Variants in ZSWIM4 observed in about 807,000 individuals in gnomAD.
ZSWIM4 encodes zinc finger SWIM-type containing 4.
Under a neutral mutation model 102.5 loss-of-function variants are expected in ZSWIM4, and 62 were observed. That is an observed-to-expected ratio of 0.60 (90% CI 0.49 to 0.75). The LOEUF (loss-of-function observed/expected upper bound fraction) is 0.75. ZSWIM4 is among the 30% of genes least tolerant of loss of function. The probability of loss-of-function intolerance (pLI) is 0.00; values close to 1 mark genes in which losing one functional copy is unlikely to be tolerated. For synonymous variants in ZSWIM4, 652 were observed against 674.5 expected (o/e 0.97, Z 0.52); for missense variants, 1,280 against 1,529.6 (o/e 0.84, Z 2.72).
At position 13,814,842 on chromosome 19, in the gene ZSWIM4, A is replaced by G. The variant is rs1164014320; in HGVS notation, c.1508A>G (p.Glu503Gly). 6 of 1,260,800 alleles carry G rather than the reference A, an allele frequency of 4.8e-6. No individual in the cohort carries two copies. The East Asian group carries it at 2.4e-4, about 50-fold the overall frequency. The allele number at this position is 1,260,800 out of a possible 1,614,324, so 78.1% of individuals were successfully genotyped here. A position where few individuals can be genotyped will look rare whatever the true frequency, so the allele number is the denominator to read the frequency against. The change falls in exon 7 of 14, where the codon GAG becomes GGG. Residue 503 changes from glutamate (E) to glycine (G), a missense_variant. By Grantham distance (98) the Glu-to-Gly change is moderately conservative (BLOSUM62 -2). Transcript: ENST00000590508. ...TLRLQQRHQLESYKQQKKELL... is the reference protein window; with the variant it reads ...TLRLQQRHQLGSYKQQKKELL... ...CGGCTGCAGCAGCGGCATCAGCTAG[A>G]GAGCTACAAGCAGCAGAAAAAAGGT...
intron 3 of ZSWIM4, among the ~76,000 whole-genome samples, chr19:13,805,584 G>A (rs531363382): frequency 4.9e-4 from 74 of 152,026 alleles, no homozygotes; most frequent in African/African-American, 1.5e-3. Flanking sequence ...GGGGGGCTCC[G>A]AGGGGCTTGG....
intron 5 of ZSWIM4, among the ~76,000 whole-genome samples, chr19:13,812,513 G>A (rs922328017): frequency 1.6e-4 from 24 of 148,264 alleles, no homozygotes; most frequent in Admixed American, 4.0e-4. Flanking sequence ...AGGCTGGAGT[G>A]CAGTGGTGTG....
Position 13,813,150 on chromosome 19 carries a change from T to C in ZSWIM4, c.1166T>C (p.Met389Thr). 1 of 1,612,644 alleles carries C rather than the reference T, an allele frequency of 6.2e-7. No individual in the cohort carries two copies. Among genetic ancestry groups the C allele is most frequent in the Non-Finnish European group, 8.5e-7 (1 of 1,179,022 alleles). Residue 389 changes from methionine to threonine, a missense_variant, in exon 6 of 14, where the codon ATG becomes ACG. Coordinates refer to ENST00000590508, the MANE Select transcript of ZSWIM4 (RefSeq NM_001367834.3). ...GACGGCCCCAGCCTGCAGCCCACCA[T>C]GGCCCCCGCCCCAGGTAGGAGAGAG... is the stretch of plus-strand genomic sequence containing the variant. ...SFDGPSLQPT[M>T]APAPGSEEEE...
At chr19:13,815,466 T>A (rs1568337309) in intron 7 of ZSWIM4, 3 of 122,366 alleles carry the variant, frequency 2.5e-5, no homozygotes, top group Non-Finnish European at 3.4e-5. Flanking sequence ...ATTTTTTTTT[T>A]TTTTTTTTTT....
intron 12 of ZSWIM4, among the ~76,000 whole-genome samples, chr19:13,826,679 C>T (rs1269328879): frequency 6.6e-6 from 1 of 152,052 alleles, no homozygotes; most frequent in African/African-American, 2.4e-5. Flanking sequence ...GCAAGAGAAT[C>T]GCTTGAACCC....
At chr19:13,828,756 A>G in intron 13 of ZSWIM4, 30 bp downstream of exon 13, 1 of 1,605,440 alleles carries the variant, frequency 6.2e-7, no homozygotes, top group Non-Finnish European at 8.5e-7. Flanking sequence ...CCTGCCACCC[A>G]CTTCGCTGTT....
Position 13,799,763 on chromosome 19 carries a change from G to C in ZSWIM4, c.197G>C (p.Arg66Pro). 6.2e-7 allele frequency: 1 copy of C among 1,614,018 alleles called. No individual in the cohort carries two copies. Among genetic ancestry groups the C allele is most frequent in the Non-Finnish European group, 8.5e-7 (1 of 1,180,002 alleles). Residue 66 changes from arginine (R) to proline (P), a missense_variant, in exon 2 of 14, where the codon CGC becomes CCC. Transcript: ENST00000590508. Reference sequence around the variant, plus strand: ...CGGGTGCCTGAGCCCGTCCAGAAGCGCATCGTGTTTTGGTCGTTTCCACGC... The same window carrying C: ...CGGGTGCCTGAGCCCGTCCAGAAGCCCATCGTGTTTTGGTCGTTTCCACGC... ...FSRVPEPVQK[R>P]IVFWSFPRSE... is the part of the protein sequence containing the mutation.
In ZSWIM4 at chr19:13,795,773, G is replaced by T. The variant is rs958005854; in HGVS notation, c.125G>T (p.Arg42Leu). The change falls in exon 1 of 14, where the codon CGG (arginine) becomes CTG (leucine). Residue 42 changes from arginine (R) to leucine (L), a missense_variant. Physicochemically the swap from Arg to Leu is moderately radical, Grantham distance 102 (BLOSUM62 -2). Coordinates refer to ENST00000590508, the MANE Select transcript of ZSWIM4 (RefSeq NM_001367834.3). ...GCGCTGCTGGACCTCAGCGCCAAGC[G>T]GGTAGCCGAGAGCTGGGCCTTCGAG... Reference protein sequence around the residue: ...PEALLDLSAKRVAESWAFEQV... With the variant: ...PEALLDLSAKLVAESWAFEQV... 9 of 1,249,918 alleles carry T rather than the reference G, an allele frequency of 7.2e-6. No homozygotes were observed. The African/African-American group carries it at 1.1e-4, about 15-fold the overall frequency. The allele number at this position is 1,249,918 out of a possible 1,614,324, so 77.4% of individuals were successfully genotyped here.
chr19:13,828,841 C>T (rs1975681177), intron 13 of ZSWIM4, 115 bp downstream of exon 13: 1 of 988,218 alleles, frequency 1.0e-6, no homozygotes, highest in Non-Finnish European at 1.5e-6. Context: ...TGGCTCACAC[C>T]TGTAATCCCA....
At chr19:13,826,486 G>T (rs979926036) in intron 12 of ZSWIM4, among the ~76,000 whole-genome samples, 8 of 152,042 alleles carry the variant, frequency 5.3e-5, no homozygotes, top group Non-Finnish European at 1.5e-5. Flanking sequence ...CCCTGTATGA[G>T]CCCGGGTGTG....
At chr19:13,827,055 T>TG (rs905544756) in intron 12 of ZSWIM4, among the ~76,000 whole-genome samples, 2 of 151,124 alleles carry the variant, frequency 1.3e-5, no homozygotes, top group Non-Finnish European at 3.0e-5. Context: ...GAGGCCAAGG[T>TG]GGGAGGATTG....
chr19:13,819,732 G>C (rs1230254654), intron 10 of ZSWIM4, among the ~76,000 whole-genome samples: 1 of 151,712 alleles, frequency 6.6e-6, no homozygotes, highest in Non-Finnish European at 1.5e-5. Context: ...GCAGTGGCGC[G>C]ATCTCAGCTC....
In ZSWIM4 at chr19:13,825,850, G is replaced by C. The variant is rs576930982; in HGVS notation, c.2379+137G>C. The stretch of plus-strand genomic sequence containing the variant: ...CGGCATTTGCGTGAGCTATTCCTCT[G>C]TGGCTGGGGACTGAGCGAGAACCAC... On this transcript the variant is annotated intron_variant, in intron 12 of 13. Coordinates refer to ENST00000590508, the MANE Select transcript of ZSWIM4 (RefSeq NM_001367834.3). This position sits in a 1 kb window ranked among gnomAD's most constrained non-coding sequence, Gnocchi z 4.6. 8.1e-7 allele frequency: 1 copy of C among 1,228,394 alleles called. No homozygotes were observed. The highest frequency in any genetic ancestry group is 1.5e-5 in the African/African-American group (1 of 66,278). 76.1% of individuals were successfully genotyped at this position (1,228,394 alleles called of 1,614,324 possible).
chr19:13,803,728 C>T lies in ZSWIM4; in HGVS notation c.356-1064C>T, dbSNP rs553539656. On this transcript the variant is annotated intron_variant, in intron 2 of 13. Coordinates refer to ENST00000590508, the MANE Select transcript of ZSWIM4 (RefSeq NM_001367834.3). ...GCTGAGGTAGGAGAATCGCTTGAACCCAGGAGGCGGAGGTTGCAGTGAGTC... is the reference window on the plus strand; with the variant it reads ...GCTGAGGTAGGAGAATCGCTTGAACTCAGGAGGCGGAGGTTGCAGTGAGTC... Among the ~76,000 whole-genome samples, 78 of 140,668 alleles carry T rather than the reference C, an allele frequency of 5.5e-4. 1 individual carries two copies. Among genetic ancestry groups the T allele is most frequent in the African/African-American group, 2.1e-3 (77 of 36,208 alleles). The allele number at this position is 140,668 out of a possible 152,430, so 92.3% of individuals were successfully genotyped here.
At chr19:13,801,344 G>A (rs1486402990) in intron 2 of ZSWIM4, among the ~76,000 whole-genome samples, 1 of 152,174 alleles carries the variant, frequency 6.6e-6, no homozygotes, top group African/African-American at 2.4e-5. Context: ...GGGGAATGAA[G>A]TAGTGAGACG....
chr19:13,817,589 C>G (rs772347330), intron 8 of ZSWIM4, 133 bp from the exon 9 acceptor site: 1 of 1,209,412 alleles, frequency 8.3e-7, no homozygotes, highest in African/African-American at 1.5e-5. Context: ...CCCCCAACCC[C>G]GTGAGTGCTG....
At position 13,828,677 on chromosome 19, in the gene ZSWIM4, GC is replaced by G; in HGVS notation, c.2413del (p.Arg805GlyfsTer21). On this transcript the variant is annotated frameshift_variant, in exon 13 of 14. Transcript: ENST00000590508. LOFTEE classifies it high-confidence loss of function. ...MRMTLNVMTW[R>X]RREMVRWLVS... is the part of the protein sequence containing the mutation. Reference sequence around the variant, plus strand: ...GGATGACTCTGAACGTAATGACCTGGCGGCGGAGGGAGATGGTGCGCTGGCT... The same window carrying G: ...GGATGACTCTGAACGTAATGACCTGGGGCGGAGGGAGATGGTGCGCTGGCT... 2 of 1,614,130 alleles carry G rather than the reference GC, an allele frequency of 1.2e-6. No individual in the cohort carries two copies. The highest frequency in any genetic ancestry group is 1.7e-6 in the Non-Finnish European group (2 of 1,180,010).
At position 13,832,188 on chromosome 19, in the gene ZSWIM4, G is replaced by T. The variant is rs1975786884; in HGVS notation, c.*1138G>T. On this transcript the variant is annotated 3_prime_UTR_variant, in exon 14 of 14. Transcript: ENST00000590508. ...TTTAATTTTATTTTGAGACTGGGGT[G>T]CATCTCCAGAGCCACTCACACCCTC... 8.6e-6 allele frequency: 1 copy of T among 116,630 alleles called. No homozygotes were observed. Among genetic ancestry groups the T allele is most frequent in the African/African-American group, 3.4e-5 (1 of 29,120 alleles). The allele number at this position is 116,630 out of a possible 1,614,324, so 7.2% of individuals were successfully genotyped here.
chr19:13,809,081 G>A lies in ZSWIM4; in HGVS notation c.873G>A (p.Met291Ile). Reference sequence around the variant, plus strand: ...TGTCCCCGGCACAGGTGCGGGAGATGCTGCGAATGCGGGACTCCAACGGGG... The same window carrying A: ...TGTCCCCGGCACAGGTGCGGGAGATACTGCGAATGCGGGACTCCAACGGGG... ...LRSMFSKVRE[M>I]LRMRDSNGAR... is the part of the protein sequence containing the mutation. The change falls in exon 5 of 14, where the codon ATG (methionine) becomes ATA (isoleucine). Residue 291 changes from methionine (M) to isoleucine (I), a missense_variant. Physicochemically the swap from Met to Ile is conservative, Grantham distance 10. Coordinates refer to ENST00000590508, the MANE Select transcript of ZSWIM4 (RefSeq NM_001367834.3). This position sits in a 1 kb window ranked among gnomAD's most constrained non-coding sequence, Gnocchi z 4.2. The A allele has an allele frequency of 1.9e-6, 3 of 1,612,894 alleles. No homozygotes were observed. Among genetic ancestry groups the A allele is most frequent in the Non-Finnish European group, 2.5e-6 (3 of 1,179,186 alleles).
Sources: allele counts gnomAD v4.1 joint callset (sites outside exome capture counted in the v4.1 genomes callset), GRCh38; gene constraint gnomAD v4.1.1; non-coding constraint Gnocchi (gnomAD v3.1); transcripts MANE v1.5; gene names NCBI Gene and HGNC (gene_info 2026-07-23, HGNC 2026-07-21).